The following CD38 variants were observed in gnomAD, a reference collection of about 807,000 sequenced individuals.
The protein encoded by CD38 is ADP-ribosyl cyclase/cyclic ADP-ribose hydrolase 1.
Under a neutral mutation model 36.3 loss-of-function variants are expected in CD38, and 31 were observed. That is an observed-to-expected ratio of 0.85 (90% CI 0.64 to 1.15). The LOEUF is 1.15. Among genes scored for constraint, CD38 ranks in the 50% most tolerant of loss-of-function variants. CD38 has a pLI of 0.00. For synonymous variants in CD38, 131 were observed against 135.2 expected (o/e 0.97, Z 0.22); for missense variants, 380 against 371.9 (o/e 1.02, Z -0.18).
intron 4 of CD38, among the ~76,000 whole-genome samples, chr4:15,837,800 C>G (rs1331156352): frequency 6.6e-6 from 1 of 152,190 alleles, no homozygotes; most frequent in African/African-American, 2.4e-5. Context: ...CTAGACATTC[C>G]TCTTACTCCT....
In CD38 at chr4:15,825,025, C is replaced by G; in HGVS notation, c.499+9C>G. The G allele has an allele frequency of 6.2e-7, 1 of 1,602,338 alleles. No individual in the cohort carries two copies. Among genetic ancestry groups the G allele is most frequent in the South Asian group, 1.1e-5 (1 of 90,272 alleles). ...TGAATTCAACACTTCCAGTGAGGCT[C>G]TGGGCCCTGTGGGATTGCCCAGGGA... On this transcript the variant is annotated intron_variant, in intron 3 of 7. Transcript: ENST00000226279.
At chr4:15,781,491 A>G (rs1722695679) in intron 1 of CD38, among the ~76,000 whole-genome samples, 1 of 152,208 alleles carries the variant, frequency 6.6e-6, no homozygotes, top group Admixed American at 6.5e-5. Context: ...GCAAGCCCCA[A>G]ATCTGCTGGA....
intron 1 of CD38, among the ~76,000 whole-genome samples, chr4:15,802,550 T>TATTTCACTTC (rs1723252057): frequency 7.6e-6 from 1 of 131,072 alleles, no homozygotes; most frequent in Admixed American, 7.3e-5. Flanking sequence ...TATTTTATTT[T>TATTTCACTTC]ATTTCACTTC....
rs10516293 is a variant in CD38 at position 15,848,487 on chromosome 4, G to A, written c.840-52G>A. The A allele has an allele frequency of 9.5e-3, 13,347 of 1,406,910 alleles. 742 individuals are homozygous for A. In the African/African-American group the frequency reaches 0.14, roughly 15 times the overall value. 87.2% of individuals were successfully genotyped at this position (1,406,910 alleles called of 1,614,324 possible). ...GGCTTCCTCCATTAGCGAATTGGAC[G>A]ACAGATGTATCCTACGGTCTCTTGA... On this transcript the variant is annotated intron_variant, in intron 7 of 7. Transcript: ENST00000226279.
intron 2 of CD38, among the ~76,000 whole-genome samples, chr4:15,819,593 A>G (rs1473671753): frequency 6.6e-6 from 1 of 152,172 alleles, no homozygotes; most frequent in African/African-American, 2.4e-5. Flanking sequence ...CGAGAACTTC[A>G]AGATGTAAAC....
At chr4:15,808,564 G>A (rs1445073740) in intron 1 of CD38, among the ~76,000 whole-genome samples, 2 of 152,170 alleles carry the variant, frequency 1.3e-5, no homozygotes, top group Non-Finnish European at 2.9e-5. Context: ...AGAATAGAAG[G>A]TCACAAAACC....
chr4:15,786,035 TC>T (rs1352762933), intron 1 of CD38, among the ~76,000 whole-genome samples: 16 of 152,312 alleles, frequency 1.1e-4, no homozygotes, highest in Admixed American at 2.6e-4. Flanking sequence ...TGTTCGTTCC[TC>T]CTGGTGGGTT....
chr4:15,840,925 C>T (rs886501874), intron 7 of CD38, among the ~76,000 whole-genome samples: 1 of 152,080 alleles, frequency 6.6e-6, no homozygotes, highest in Non-Finnish European at 1.5e-5. Flanking sequence ...TTGTAAAATC[C>T]TTGTGACTTG....
At chr4:15,782,284 G>A (rs946418091) in intron 1 of CD38, among the ~76,000 whole-genome samples, 26 of 152,252 alleles carry the variant, frequency 1.7e-4, no homozygotes, top group African/African-American at 5.3e-4. Context: ...TTCAAAAGAA[G>A]GAGAAACAAA....
intron 2 of CD38, among the ~76,000 whole-genome samples, chr4:15,818,605 C>T (rs962195668): frequency 6.6e-6 from 1 of 152,170 alleles, no homozygotes; most frequent in South Asian, 2.1e-4. Flanking sequence ...CAGGAGAGCT[C>T]CGGCTGGCAT....
intron 1 of CD38, among the ~76,000 whole-genome samples, chr4:15,799,924 C>A (rs938821334): frequency 6.6e-6 from 1 of 152,154 alleles, no homozygotes; most frequent in Non-Finnish European, 1.5e-5. Flanking sequence ...CACACTTCAC[C>A]CTCATACAGT....
intron 2 of CD38, among the ~76,000 whole-genome samples, chr4:15,824,657 A>G (rs1723807054): frequency 6.6e-6 from 1 of 150,604 alleles, no homozygotes; most frequent in Non-Finnish European, 1.5e-5. Flanking sequence ...CTAGAATAAA[A>G]GATTCATTTA....
At chr4:15,833,454 G>T (rs1316012869) in intron 3 of CD38, among the ~76,000 whole-genome samples, 2 of 152,142 alleles carry the variant, frequency 1.3e-5, no homozygotes, top group Non-Finnish European at 2.9e-5. Flanking sequence ...TACCTCTGTT[G>T]GGAAGATAAT....
intron 3 of CD38, among the ~76,000 whole-genome samples, chr4:15,830,089 T>C (rs1002894834): frequency 2.6e-5 from 4 of 152,232 alleles, no homozygotes; most frequent in Non-Finnish European, 5.9e-5. Context: ...CTGATTTTCT[T>C]TCTGTTGGGT....
At chr4:15,781,860 AAAC>A (rs1323130924) in intron 1 of CD38, among the ~76,000 whole-genome samples, 2 of 152,244 alleles carry the variant, frequency 1.3e-5, no homozygotes, top group Non-Finnish European at 2.9e-5. Flanking sequence ...GCTGCATAAT[AAAC>A]AACCACCCTA....
At chr4:15,787,007 C>T (rs1313126000) in intron 1 of CD38, among the ~76,000 whole-genome samples, 1 of 152,028 alleles carries the variant, frequency 6.6e-6, no homozygotes, top group East Asian at 1.9e-4. Flanking sequence ...CCGGGGCCTG[C>T]TGCGCTCGCC....
Position 15,834,283 on chromosome 4 carries a change from G to A in CD38, c.566G>A (p.Trp189Ter). ...AGCAACAACCCTGTTTCAGTATTCT[G>A]GAAAACGGTTTCCCGCAGGGTAAGT... ...DCSNNPVSVF[W>*]KTVSRRFAEA... The change falls in exon 4 of 8, where the codon TGG (tryptophan) becomes TAG (stop). Residue 189 changes from tryptophan (W) to a stop codon, truncating the protein, a stop_gained. Coordinates refer to ENST00000226279, the MANE Select transcript of CD38 (RefSeq NM_001775.4). LOFTEE classifies it high-confidence loss of function. The A allele has an allele frequency of 6.2e-7, 1 of 1,612,178 alleles. No individual in the cohort carries two copies.
At chr4:15,826,467 A>ATG (rs1560317012) in intron 3 of CD38, among the ~76,000 whole-genome samples, 2 of 150,674 alleles carry the variant, frequency 1.3e-5, no homozygotes, top group African/African-American at 4.9e-5. Flanking sequence ...GCGCACACAC[A>ATG]CACACACACA....
In CD38 at chr4:15,834,240, GA is replaced by G. The variant is rs763908570; in HGVS notation, c.524del (p.Asp175AlafsTer32). On this transcript the variant is annotated frameshift_variant, in exon 4 of 8. Transcript: ENST00000226279. LOFTEE classifies it high-confidence loss of function. ...AGAAATAAACTATCAATCTTGCCCAGACTGGAGAAAGGACTGCAGCAACAAC... is the reference window on the plus strand; with the variant it reads ...AGAAATAAACTATCAATCTTGCCCAGCTGGAGAAAGGACTGCAGCAACAAC... The part of the protein sequence containing the change: ...TSKINYQSCP[D>X]WRKDCSNNPV... The G allele has an allele frequency of 1.5e-5, 24 of 1,611,836 alleles. No homozygotes were observed. Among genetic ancestry groups the G allele is most frequent in the Non-Finnish European group, 2.0e-5 (24 of 1,177,936 alleles).
Sources: gnomAD v4.1 joint callset for allele counts (sites outside exome capture counted in the v4.1 genomes callset) on GRCh38, gnomAD v4.1.1 for gene constraint, MANE v1.5 for transcripts, NCBI Gene and HGNC (gene_info 2026-07-23, HGNC 2026-07-21) for gene names.